NHSL3: variants seen among roughly 807,000 people sequenced by gnomAD.
NHSL3 encodes the protein NHS-like protein 3.
At chr1:32,771,200 C>T in the NHSL3 span, 1 of 1,612,204 alleles carries the variant, frequency 6.2e-7, no homozygotes, top group Non-Finnish European at 8.5e-7. Context: ...TCCCCACCTC[C>T]CTCCAAGCCC....
the NHSL3 span, chr1:32,770,127 A>G: frequency 7.7e-6 from 12 of 1,564,698 alleles, no homozygotes; most frequent in African/African-American, 1.6e-4. This position sits in a 1 kb window ranked among gnomAD's most constrained non-coding sequence, Gnocchi z 8.3. Flanking sequence ...GGGCCCCACC[A>G]TTGACCCGGC....
the NHSL3 span, chr1:32,772,362 G>A: frequency 1.4e-5 from 22 of 1,597,508 alleles, no homozygotes; most frequent in Non-Finnish European, 1.7e-5. Context: ...CCCAGGACAG[G>A]ACTAAGAGGG....
chr1:32,745,550 T>C, the NHSL3 span, among the ~76,000 whole-genome samples: 1 of 101,254 alleles, frequency 9.9e-6, no homozygotes, highest in African/African-American at 3.7e-5. Flanking sequence ...AGAGCGAGAC[T>C]AGGTCTCAAA....
the NHSL3 span, among the ~76,000 whole-genome samples, chr1:32,760,309 C>T: frequency 6.2e-4 from 94 of 152,336 alleles, 3 homozygotes; most frequent in East Asian, 0.016. Flanking sequence ...CCACCACCCC[C>T]GCCCCTTGCT....
chr1:32,742,012 G>GGCCCCCCGCGCA, the NHSL3 span: 1 of 1,228,746 alleles, frequency 8.1e-7, no homozygotes, highest in Non-Finnish European at 1.0e-6. Context: ...GAACCCGGGC[G>GGCCCCCCGCGCA]GCCCCCCGCG....
chr1:32,759,508 C>T, the NHSL3 span, among the ~76,000 whole-genome samples: 3 of 152,196 alleles, frequency 2.0e-5, no homozygotes, highest in Non-Finnish European at 4.4e-5. Context: ...CTAATTCCTC[C>T]GTGCACTACT....
chr1:32,754,273 T>C, the NHSL3 span: 4 of 624,082 alleles, frequency 6.4e-6, no homozygotes. Flanking sequence ...GCTTGGAGGG[T>C]GTGAGTGTGG....
At chr1:32,770,069 A>G in the NHSL3 span, 3 of 1,559,804 alleles carry the variant, frequency 1.9e-6, no homozygotes, top group East Asian at 4.5e-5. This position sits in a 1 kb window ranked among gnomAD's most constrained non-coding sequence, Gnocchi z 8.3. Flanking sequence ...CGCCACATTG[A>G]CCGTGTCTAC....
the NHSL3 span, among the ~76,000 whole-genome samples, chr1:32,756,470 A>AGC: frequency 2.0e-5 from 1 of 50,490 alleles, no homozygotes; most frequent in Non-Finnish European, 3.5e-5. Flanking sequence ...ACATGACGAG[A>AGC]CCCCCCCCCC....
chr1:32,753,887 A>G, the NHSL3 span: 1 of 202,606 alleles, frequency 4.9e-6, no homozygotes, highest in African/African-American at 2.3e-5. Context: ...AGCCGACGGG[A>G]TGCGCGCCAG....
the NHSL3 span, among the ~76,000 whole-genome samples, chr1:32,751,365 A>G: frequency 6.6e-6 from 1 of 152,180 alleles, no homozygotes; most frequent in Admixed American, 6.5e-5. Context: ...TACTACAGCT[A>G]ATCTACAAGC....
the NHSL3 span, among the ~76,000 whole-genome samples, chr1:32,753,623 A>G: frequency 6.6e-6 from 1 of 152,262 alleles, no homozygotes; most frequent in Non-Finnish European, 1.5e-5. Flanking sequence ...TGAACACTGT[A>G]ACTACAGAAA....
the NHSL3 span, among the ~76,000 whole-genome samples, chr1:32,747,773 G>A: frequency 1.3e-5 from 2 of 151,528 alleles, no homozygotes; most frequent in Non-Finnish European, 2.9e-5. Context: ...AACCAGCCTG[G>A]CCAACATGGT....
At chr1:32,771,317 C>T in the NHSL3 span, 49 of 1,597,374 alleles carry the variant, frequency 3.1e-5, no homozygotes, top group Non-Finnish European at 3.9e-5. Flanking sequence ...CCCCAGACAA[C>T]CTTGACTCCA....
the NHSL3 span, among the ~76,000 whole-genome samples, chr1:32,752,942 CACACACACAT>C: frequency 4.8e-4 from 11 of 23,028 alleles, no homozygotes; most frequent in African/African-American, 1.2e-3. Context: ...CACACACACA[CACACACACAT>C]ATATATATAT....
chr1:32,766,846 G>A, the NHSL3 span, among the ~76,000 whole-genome samples: 2 of 152,164 alleles, frequency 1.3e-5, no homozygotes, highest in Non-Finnish European at 2.9e-5. Context: ...CTCCACAGGC[G>A]GGGCTTGTAA....
the NHSL3 span, chr1:32,767,733 C>T: frequency 6.6e-7 from 1 of 1,509,544 alleles, no homozygotes; most frequent in African/African-American, 1.4e-5. Flanking sequence ...GACCTGTGCC[C>T]CTGCAGGGCC....
At chr1:32,765,965 C>T in the NHSL3 span, 2 of 827,002 alleles carry the variant, frequency 2.4e-6, no homozygotes, top group South Asian at 3.3e-5. Context: ...CAGAATCTCC[C>T]ATCCGGCTGT....
the NHSL3 span, chr1:32,772,278 C>T: frequency 6.3e-7 from 1 of 1,598,110 alleles, no homozygotes; most frequent in African/African-American, 1.3e-5. Context: ...CTGTGGGAGT[C>T]CCCCCACCCG....
Sources: allele counts gnomAD v4.1 joint callset (sites outside exome capture counted in the v4.1 genomes callset), GRCh38; gene constraint gnomAD v4.1.1; non-coding constraint Gnocchi (gnomAD v3.1); transcripts MANE v1.5; gene names NCBI Gene and HGNC (gene_info 2026-07-23, HGNC 2026-07-21).